The following RASAL2 variants were observed in gnomAD, a reference collection of about 807,000 sequenced individuals.
RASAL2 encodes ras GTPase-activating protein nGAP.
A neutral mutation model predicts 128.9 loss-of-function variants in RASAL2; 58 were observed. The ratio of observed to expected loss-of-function variants is 0.45; its 90% confidence interval spans 0.36 to 0.56. The LOEUF (loss-of-function observed/expected upper bound fraction) is 0.56, where lower values mean the gene tolerates loss of function less well. RASAL2 is among the 20% of genes least tolerant of loss of function. The pLI is 0.00. For missense variants in RASAL2, 1,360 were observed against 1,601.6 expected (o/e 0.85, Z 2.57); for synonymous variants, 561 against 580.8 (o/e 0.97, Z 0.49).
At chr1:178,428,706 T>C (rs1675688171) in intron 5 of RASAL2, among the ~76,000 whole-genome samples, 1 of 151,946 alleles carries the variant, frequency 6.6e-6, no homozygotes, top group African/African-American at 2.4e-5. Context: ...CCTCCTGCCT[T>C]AGCCTCCTAA....
At chr1:178,280,718 C>A (rs12733805) in intron 1 of RASAL2, among the ~76,000 whole-genome samples, 40,694 of 151,940 alleles carry the variant, frequency 0.27, 6,315 homozygotes, top group African/African-American at 0.43. Context: ...TAGTATCCTC[C>A]TAGGAATGGA....
Position 178,476,086 on chromosome 1 carries a change from T to C in RASAL2, c.*2847T>C, listed in dbSNP as rs1417735053. 3.3e-5 allele frequency: 5 copies of C among 152,252 alleles called. No homozygotes were observed. The highest frequency in any genetic ancestry group is 7.3e-5 in the Non-Finnish European group (5 of 68,050). The allele number at this position is 152,252 out of a possible 1,614,324, so 9.4% of individuals were successfully genotyped here. On this transcript the variant is annotated 3_prime_UTR_variant, in exon 18 of 18. Transcript: ENST00000367649. ...ACTTTGTTTGCTGGGAGGAGGTACA[T>C]GGCTGAAGAGAGGCAAATAGATTAA...
rs139016203 is a variant in RASAL2, at chr1:178,293,932, G to A, written c.331-6060G>A. Among the ~76,000 whole-genome samples the A allele has an allele frequency of 1.6e-3, 248 of 152,326 alleles. 1 individual carries two copies. Among genetic ancestry groups the A allele is most frequent in the African/African-American group, 3.1e-3 (130 of 41,566 alleles). On this transcript the variant is annotated intron_variant, in intron 2 of 17. Transcript: ENST00000367649. ...CAAAGCCTGTCCTAAGCCTCAGGAT[G>A]ATTAGGAGTTTACCTTGCAGATGTA...
chr1:178,261,965 C>T (rs1665719957), intron 1 of RASAL2, among the ~76,000 whole-genome samples: 1 of 150,896 alleles, frequency 6.6e-6, no homozygotes, highest in South Asian at 2.1e-4. Context: ...AAATCTATAT[C>T]ATGAAGTTTT....
At chr1:178,404,054 A>G (rs1293435101) in intron 4 of RASAL2, among the ~76,000 whole-genome samples, 2 of 151,718 alleles carry the variant, frequency 1.3e-5, no homozygotes, top group Non-Finnish European at 2.9e-5. Context: ...CCGAAACCCC[A>G]TCTCTACTAA....
intron 3 of RASAL2, among the ~76,000 whole-genome samples, chr1:178,366,890 G>A (rs1211724149): frequency 1.3e-5 from 2 of 152,110 alleles, no homozygotes; most frequent in African/African-American, 4.8e-5. Context: ...TCAAAACTTA[G>A]ATGAGTATTT....
At chr1:178,156,682 C>A (rs890687550) in intron 1 of RASAL2, among the ~76,000 whole-genome samples, 1 of 152,254 alleles carries the variant, frequency 6.6e-6, no homozygotes, top group South Asian at 2.1e-4. Context: ...AGACATTTAA[C>A]GTGACCTGTT....
At position 178,373,274 on chromosome 1, in the gene RASAL2, C is replaced by CTTTTTTTTT. The variant is rs60835442; in HGVS notation, c.458-16819_458-16811dup. Among the ~76,000 whole-genome samples, 37 of 60,054 alleles carry CTTTTTTTTT rather than the reference C, an allele frequency of 6.2e-4. 6 individuals carry two copies. Among genetic ancestry groups the CTTTTTTTTT allele is most frequent in the African/African-American group, 2.0e-3 (27 of 13,466 alleles). 39.4% of individuals were successfully genotyped at this position (60,054 alleles called of 152,430 possible). ...TCAATCTTAGCATTCTGTTTCTTTC[C>CTTTTTTTTT]TTTTTTTTTTTTTTTGCAGTTTAGA... On this transcript the variant is annotated intron_variant, in intron 3 of 17. Transcript: ENST00000367649.
At position 178,439,454 on chromosome 1, in the gene RASAL2, G is replaced by A. The variant is rs894657012; in HGVS notation, c.707G>A (p.Arg236His). The change falls in exon 6 of 18, where the codon CGT becomes CAT. Residue 236 changes from arginine (R) to histidine (H), a missense_variant. Around this residue, in one of 3 missense-constraint regions of RASAL2, gnomAD observed 617 missense variants for 714.2 expected, o/e 0.86. Coordinates refer to ENST00000367649, the MANE Select transcript of RASAL2 (RefSeq NM_170692.4). ...GGGCTGCCTAAACTAAAAGAGTCAC[G>A]TTCCCATGAATCCTTGCTGAGCCCA... ...SRGLPKLKES[R>H]SHESLLSPCS... The A allele has an allele frequency of 1.1e-5, 18 of 1,610,868 alleles. No individual in the cohort carries two copies. Among genetic ancestry groups the A allele is most frequent in the East Asian group, 6.7e-5 (3 of 44,744 alleles).
At position 178,452,325 on chromosome 1, in the gene RASAL2, A is replaced by C. The variant is rs551567735; in HGVS notation, c.1773-91A>C. 1,025 of 1,126,848 alleles carry C rather than the reference A, an allele frequency of 9.1e-4. 1 individual carries two copies. The highest frequency in any genetic ancestry group is 1.2e-3 in the Non-Finnish European group (898 of 758,080). 69.8% of individuals were successfully genotyped at this position (1,126,848 alleles called of 1,614,324 possible). ...AGGTCCTCCTCACAGCCTGACTCTT[A>C]AGCAAAAGTATATTGGGTCAGGGTG... On this transcript the variant is annotated intron_variant, in intron 10 of 17. Coordinates refer to ENST00000367649, the MANE Select transcript of RASAL2 (RefSeq NM_170692.4).
chr1:178,099,621 C>G (rs895395643), intron 1 of RASAL2, among the ~76,000 whole-genome samples: 15 of 152,198 alleles, frequency 9.9e-5, no homozygotes, highest in African/African-American at 3.4e-4. Context: ...AATCTCTTTT[C>G]CAAAACCATT....
At chr1:178,167,840 TG>T (rs1397238868) in intron 1 of RASAL2, among the ~76,000 whole-genome samples, 1 of 152,044 alleles carries the variant, frequency 6.6e-6, no homozygotes, top group African/African-American at 2.4e-5. Flanking sequence ...CTCACATGTA[TG>T]TGGACCCGTG....
chr1:178,419,926 G>A (rs2102745645), intron 4 of RASAL2, among the ~76,000 whole-genome samples: 1 of 152,274 alleles, frequency 6.6e-6, no homozygotes, highest in East Asian at 1.9e-4. Context: ...TATCCAAGGT[G>A]ACATAGACTG....
chr1:178,425,718 A>C (rs542176875), intron 5 of RASAL2, among the ~76,000 whole-genome samples: 6 of 152,274 alleles, frequency 3.9e-5, no homozygotes, highest in Non-Finnish European at 7.4e-5. Context: ...AGATACCAGA[A>C]AAGATGGGCC....
At chr1:178,376,354 G>A (rs56402534) in intron 3 of RASAL2, among the ~76,000 whole-genome samples, 2 of 152,154 alleles carry the variant, frequency 1.3e-5, no homozygotes, top group Non-Finnish European at 2.9e-5. Flanking sequence ...CCTTTTGCCT[G>A]AAGAAATCTG....
In RASAL2 at chr1:178,162,440, AT is replaced by A. The variant is rs1414242595; in HGVS notation, c.202+67747del. Among the ~76,000 whole-genome samples, 569 of 121,304 alleles carry A rather than the reference AT, an allele frequency of 4.7e-3. 9 individuals are homozygous for A. The highest frequency in any genetic ancestry group is 0.018 in the African/African-American group (540 of 30,736). The allele number at this position is 121,304 out of a possible 152,430, so 79.6% of individuals were successfully genotyped here. A position where few individuals can be genotyped will look rare whatever the true frequency, so the allele number is the denominator to read the frequency against. ...ATATAATATTATATATATTTTATATATAATATATATAATATTAAATATATTT... is the reference window on the plus strand; with the variant it reads ...ATATAATATTATATATATTTTATATAAATATATATAATATTAAATATATTT... On this transcript the variant is annotated intron_variant, in intron 1 of 17. Coordinates refer to ENST00000367649, the MANE Select transcript of RASAL2 (RefSeq NM_170692.4).
chr1:178,153,993 G>A (rs1220813348), intron 1 of RASAL2, among the ~76,000 whole-genome samples: 5 of 151,888 alleles, frequency 3.3e-5, no homozygotes, highest in Non-Finnish European at 7.4e-5. Flanking sequence ...CCGCCACCAC[G>A]CCTGGCTAAT....
intron 1 of RASAL2, among the ~76,000 whole-genome samples, chr1:178,144,710 CT>C (rs1477553327): frequency 7.2e-5 from 11 of 152,220 alleles, no homozygotes; most frequent in African/African-American, 2.4e-4. Flanking sequence ...TGTAATATGA[CT>C]TTGGAATAAT....
intron 1 of RASAL2, among the ~76,000 whole-genome samples, chr1:178,270,572 T>C (rs1666198256): frequency 6.6e-6 from 1 of 152,062 alleles, no homozygotes; most frequent in Admixed American, 6.5e-5. Context: ...AACAGTGTTT[T>C]GTTTTTTCCC....
Sources: gnomAD v4.1 joint callset for allele counts (sites outside exome capture counted in the v4.1 genomes callset) on GRCh38, gnomAD v4.1.1 for gene constraint, gnomAD v4.1.1 regional missense constraint, MANE v1.5 for transcripts, NCBI Gene and HGNC (gene_info 2026-07-23, HGNC 2026-07-21) for gene names.